The following ENOX1 variants were observed in gnomAD, a reference collection of about 807,000 sequenced individuals.
ENOX1 encodes ecto-NOX disulfide-thiol exchanger 1, also known as candidate growth-related and time keeping constitutive hydroquinone (NADH) oxidase.
Under a neutral mutation model 82.5 loss-of-function variants are expected in ENOX1, and 42 were observed. The ratio of observed to expected loss-of-function variants is 0.51; its 90% CI spans 0.40 to 0.66. The LOEUF is 0.66. ENOX1 is among the 30% of genes least tolerant of loss of function. The pLI is 0.00. For missense variants in ENOX1, 608 were observed against 811.6 expected, an observed-to-expected ratio of 0.75 and a Z score of 3.05; for synonymous variants, 271 against 282.2, an observed-to-expected ratio of 0.96 and a Z score of 0.40.
At chr13:43,436,701 G>A (rs2056052069) in intron 3 of ENOX1, among the ~76,000 whole-genome samples, 2 of 152,118 alleles carry the variant, frequency 1.3e-5, no homozygotes, top group African/African-American at 4.8e-5. Context: ...AATATTATGT[G>A]AGGATAGAGA....
At chr13:43,420,154 CAT>C (rs2153606122) in intron 3 of ENOX1, among the ~76,000 whole-genome samples, 1 of 152,326 alleles carries the variant, frequency 6.6e-6, no homozygotes, top group South Asian at 2.1e-4. Context: ...TCGATCTTCA[CAT>C]AGTCAGTGCC....
At chr13:43,519,329 C>G (rs1310016753) in intron 2 of ENOX1, among the ~76,000 whole-genome samples, 1 of 152,144 alleles carries the variant, frequency 6.6e-6, no homozygotes, top group African/African-American at 2.4e-5. Flanking sequence ...GAACTATTGG[C>G]TTACAGGACT....
intron 2 of ENOX1, among the ~76,000 whole-genome samples, chr13:43,645,070 C>G (rs2083831609): frequency 6.6e-6 from 1 of 152,094 alleles, no homozygotes; most frequent in South Asian, 2.1e-4. Context: ...AAACATGTAT[C>G]AAATAATAGT....
chr13:43,358,946 G>C (rs1168797805), intron 7 of ENOX1, among the ~76,000 whole-genome samples: 2 of 152,180 alleles, frequency 1.3e-5, no homozygotes, highest in Non-Finnish European at 2.9e-5. Flanking sequence ...TCTACCTTAG[G>C]AAAGTCTCTG....
rs2052031261 is a variant in ENOX1, at chr13:43,381,424, TAGAAAAGA to T, written c.209-19980_209-19973del. Among the ~76,000 whole-genome samples, 2 of 147,098 alleles carry T rather than the reference TAGAAAAGA, an allele frequency of 1.4e-5. 1 individual carries two copies. Among genetic ancestry groups the T allele is most frequent in the South Asian group, 4.3e-4 (2 of 4,690 alleles). On this transcript the variant is annotated intron_variant, in intron 5 of 16. Coordinates refer to ENST00000690772, the MANE Select transcript of ENOX1 (RefSeq NM_001347969.2). ...TGTTTAAGGCACTAAATGCTTATAT[TAGAAAAGA>T]AGAAAGGTCTTACATCAATGACCAT...
intron 14 of ENOX1, among the ~76,000 whole-genome samples, chr13:43,263,449 A>T (rs539660144): frequency 1.3e-4 from 20 of 152,372 alleles, no homozygotes; most frequent in African/African-American, 4.8e-4. Flanking sequence ...ATCTTAAAAA[A>T]GCTGAAAACT....
intron 1 of ENOX1, among the ~76,000 whole-genome samples, chr13:43,710,980 T>C (rs1392785769): frequency 6.6e-6 from 1 of 152,068 alleles, no homozygotes; most frequent in African/African-American, 2.4e-5. Context: ...GTTTGTTACA[T>C]ATGTATACAT....
chr13:43,506,313 G>A lies in ENOX1; in HGVS notation c.-218-22161C>T, dbSNP rs111330972. Among the ~76,000 whole-genome samples the A allele has an allele frequency of 4.1e-3, 621 of 151,702 alleles. 5 individuals are homozygous for A. The highest frequency in any genetic ancestry group is 0.012 in the South Asian group (57 of 4,806). ...ACCATCTCACACCAGTTAGAATGGC[G>A]ATCATTAAAAAGTCAGGAAACAACA... On this transcript the variant is annotated intron_variant, in intron 2 of 16. Coordinates refer to ENST00000690772, the MANE Select transcript of ENOX1 (RefSeq NM_001347969.2).
chr13:43,420,878 G>A (rs912970726), intron 3 of ENOX1, among the ~76,000 whole-genome samples: 7 of 152,114 alleles, frequency 4.6e-5, no homozygotes, highest in Admixed American at 6.6e-5. Context: ...ACATGATAAC[G>A]CATGATAAAG....
chr13:43,310,266 A>C (rs1253101582), intron 11 of ENOX1, among the ~76,000 whole-genome samples: 1 of 151,524 alleles, frequency 6.6e-6, no homozygotes, highest in Non-Finnish European at 1.5e-5. Context: ...ACTATTAATC[A>C]AACACTAAAT....
chr13:43,606,748 G>A (rs1323659934), intron 2 of ENOX1, among the ~76,000 whole-genome samples: 1 of 152,092 alleles, frequency 6.6e-6, no homozygotes, highest in Non-Finnish European at 1.5e-5. Context: ...GGGCATGGTG[G>A]CTCAGGCCTG....
intron 2 of ENOX1, among the ~76,000 whole-genome samples, chr13:43,519,575 G>C (rs934957100): frequency 6.6e-6 from 1 of 152,100 alleles, no homozygotes; most frequent in Non-Finnish European, 1.5e-5. Flanking sequence ...AAATTAATCT[G>C]TCTCACCACA....
chr13:43,248,175 G>A (rs1397023909), intron 14 of ENOX1, among the ~76,000 whole-genome samples: 2 of 151,456 alleles, frequency 1.3e-5, no homozygotes, highest in Non-Finnish European at 2.9e-5. Context: ...GTGAGCCACC[G>A]CGCCCGGCCG....
intron 2 of ENOX1, among the ~76,000 whole-genome samples, chr13:43,572,043 T>C (rs930389517): frequency 1.3e-5 from 2 of 152,024 alleles, no homozygotes; most frequent in Non-Finnish European, 2.9e-5. Context: ...AACTTACTTA[T>C]GAAGAGCATT....
intron 12 of ENOX1, among the ~76,000 whole-genome samples, chr13:43,273,253 C>T (rs1462103013): frequency 3.3e-5 from 5 of 152,140 alleles, no homozygotes; most frequent in African/African-American, 1.2e-4. Flanking sequence ...GTTCCTTGAC[C>T]TTTTCTCCAT....
chr13:43,548,884 C>T (rs1476800116), intron 2 of ENOX1, among the ~76,000 whole-genome samples: 2 of 152,082 alleles, frequency 1.3e-5, no homozygotes, highest in Non-Finnish European at 2.9e-5. Context: ...CAGATATTAC[C>T]TTCTGCAAAA....
chr13:43,647,694 C>A (rs2153773801), intron 2 of ENOX1, among the ~76,000 whole-genome samples: 1 of 152,244 alleles, frequency 6.6e-6, no homozygotes, highest in African/African-American at 2.4e-5. Context: ...TGACTACCAC[C>A]AAACCCCCAA....
chr13:43,364,777 C>T (rs2050743880), intron 5 of ENOX1, among the ~76,000 whole-genome samples: 1 of 152,172 alleles, frequency 6.6e-6, no homozygotes, highest in Non-Finnish European at 1.5e-5. Flanking sequence ...AAGTTCCCCA[C>T]TTGAGTTTGA....
Position 43,529,446 on chromosome 13 carries a change from C to A in ENOX1, c.-218-45294G>T, listed in dbSNP as rs1206169056. Among the ~76,000 whole-genome samples the A allele has an allele frequency of 3.9e-5, 6 of 152,114 alleles. No individual in the cohort carries two copies. The South Asian group carries it at 1.2e-3, about 32-fold the overall frequency. The stretch of plus-strand genomic sequence containing the variant: ...TCCTTTAAGTGAAAAAGTGAAAGTT[C>A]TTAATATGGAAAGAAAAATCATATG... On this transcript the variant is annotated intron_variant, in intron 2 of 16. Coordinates refer to ENST00000690772, the MANE Select transcript of ENOX1 (RefSeq NM_001347969.2).
Sources: gnomAD v4.1 joint callset for allele counts (sites outside exome capture counted in the v4.1 genomes callset) on GRCh38, gnomAD v4.1.1 for gene constraint, MANE v1.5 for transcripts, NCBI Gene and HGNC (gene_info 2026-07-23, HGNC 2026-07-21) for gene names.